GRXCR1: variants seen among roughly 807,000 people sequenced by gnomAD.
GRXCR1 encodes the protein glutaredoxin and cysteine rich domain containing 1, also known as glutaredoxin domain-containing cysteine-rich protein 1.
GRXCR1 carries 27 observed loss-of-function variants against 27.3 expected under a neutral mutation model. The observed-to-expected ratio is 0.99, with a 90% CI of 0.73 to 1.37. The LOEUF is 1.37. GRXCR1 is among the 40% of genes most tolerant of loss of function. The pLI is 0.00. For synonymous variants in GRXCR1, 122 were observed against 131.1 expected (o/e 0.93, Z 0.47); for missense variants, 379 against 354.4 (o/e 1.07, Z -0.56).
At chr4:42,928,307 CA>C (rs1747218447) in intron 1 of GRXCR1, among the ~76,000 whole-genome samples, 1 of 151,884 alleles carries the variant, frequency 6.6e-6, no homozygotes. Flanking sequence ...GAATTCACTA[CA>C]ATAAGTATAA....
At chr4:42,923,126 C>T (rs186536284) in intron 1 of GRXCR1, among the ~76,000 whole-genome samples, 10 of 152,252 alleles carry the variant, frequency 6.6e-5, no homozygotes, top group African/African-American at 2.4e-4. Flanking sequence ...TTGGGCTCAG[C>T]AGAGGAGTCT....
intron 1 of GRXCR1, among the ~76,000 whole-genome samples, chr4:42,945,624 G>A (rs1747725337): frequency 6.6e-6 from 1 of 152,148 alleles, no homozygotes; most frequent in Non-Finnish European, 1.5e-5. Context: ...GCTCTACAGA[G>A]GGTGGTTATT....
At chr4:42,893,793 C>G in intron 1 of GRXCR1, 143 bp downstream of exon 1, 1 of 844,780 alleles carries the variant, frequency 1.2e-6, no homozygotes, top group Non-Finnish European at 2.0e-6. Flanking sequence ...AGATACTGTC[C>G]TAACAGCTAT....
At chr4:42,919,164 A>G (rs1369675394) in intron 1 of GRXCR1, among the ~76,000 whole-genome samples, 1 of 152,114 alleles carries the variant, frequency 6.6e-6, no homozygotes, top group Admixed American at 6.6e-5. Flanking sequence ...ACATGGCAAA[A>G]CGGGGCCTAT....
At chr4:42,946,321 G>A (rs1747743714) in intron 1 of GRXCR1, among the ~76,000 whole-genome samples, 1 of 151,974 alleles carries the variant, frequency 6.6e-6, no homozygotes. Flanking sequence ...GATTTTGTTG[G>A]CTTGCTTATT....
chr4:42,955,883 A>C (rs1747991804), intron 1 of GRXCR1, among the ~76,000 whole-genome samples: 1 of 151,938 alleles, frequency 6.6e-6, no homozygotes. Flanking sequence ...AACCCACTGG[A>C]TTTGCATCTG....
At position 42,981,563 on chromosome 4, in the gene GRXCR1, ATTAGTGTTCT is replaced by A. The variant is rs1395047106; in HGVS notation, c.627+18432_627+18441del. Among the ~76,000 whole-genome samples the A allele has an allele frequency of 2.0e-5, 3 of 152,116 alleles. No individual in the cohort carries two copies. In the East Asian group the frequency reaches 5.8e-4, roughly 29 times the overall value. ...ACTTTCAGATGTCTTTGTGTTACTCATTAGTGTTCTTTTCTTTTAGCTTGAAGAACTTTGT... is the reference window on the plus strand; with the variant it reads ...ACTTTCAGATGTCTTTGTGTTACTCATTTCTTTTAGCTTGAAGAACTTTGT... On this transcript the variant is annotated intron_variant, in intron 2 of 3. Transcript: ENST00000399770.
chr4:43,025,974 TCAAAAAA>T (rs1713246774), intron 3 of GRXCR1, among the ~76,000 whole-genome samples: 1 of 108,228 alleles, frequency 9.2e-6, no homozygotes, highest in Admixed American at 1.0e-4. Flanking sequence ...AAACTCCGTC[TCAAAAAA>T]AAAAAAAAAA....
chr4:42,992,454 T>C (rs1309387303), intron 2 of GRXCR1, among the ~76,000 whole-genome samples: 1 of 152,150 alleles, frequency 6.6e-6, no homozygotes, highest in Non-Finnish European at 1.5e-5. Flanking sequence ...TTATGTATAA[T>C]GTAGGGAGCT....
intron 1 of GRXCR1, among the ~76,000 whole-genome samples, chr4:42,906,269 G>GTA (rs887131708): frequency 5.9e-5 from 9 of 152,080 alleles, no homozygotes; most frequent in African/African-American, 2.2e-4. Flanking sequence ...TCTATTCTCT[G>GTA]TATAGTAAGA....
intron 1 of GRXCR1, among the ~76,000 whole-genome samples, chr4:42,943,742 C>CA (rs577924096): frequency 1.2e-3 from 186 of 152,100 alleles, no homozygotes; most frequent in African/African-American, 4.3e-3. Context: ...TGCTATGTGC[C>CA]AGATATTGCC....
At chr4:42,940,804 C>T (rs558548518) in intron 1 of GRXCR1, among the ~76,000 whole-genome samples, 6 of 152,028 alleles carry the variant, frequency 3.9e-5, no homozygotes, top group Admixed American at 2.6e-4. Context: ...AATTTGTCCT[C>T]TAAGCATATG....
intron 2 of GRXCR1, among the ~76,000 whole-genome samples, chr4:42,998,814 A>G (rs1314237672): frequency 6.6e-6 from 1 of 152,182 alleles, no homozygotes; most frequent in Non-Finnish European, 1.5e-5. Context: ...CTTCTTGACT[A>G]TGGTCAATAG....
rs1299293522 is a variant in GRXCR1 at position 42,892,746 on chromosome 4, C to T, written c.-521C>T. ...GTAATAGCTCTATGCAGGCATGCAG[C>T]ATGCAGCGTGTTCACTGCCCTTTAA... is the stretch of plus-strand genomic sequence containing the variant. On this transcript the variant is annotated 5_prime_UTR_variant, in exon 1 of 4. Transcript: ENST00000399770. The T allele has an allele frequency of 6.1e-6, 1 of 163,556 alleles. No homozygotes were observed. The highest frequency in any genetic ancestry group is 2.4e-5 in the African/African-American group (1 of 41,536). The allele number at this position is 163,556 out of a possible 1,614,324, so 10.1% of individuals were successfully genotyped here.
At chr4:42,999,661 A>C (rs1362005222) in intron 2 of GRXCR1, among the ~76,000 whole-genome samples, 4 of 152,226 alleles carry the variant, frequency 2.6e-5, no homozygotes, top group Non-Finnish European at 5.9e-5. Context: ...TCCATAATTC[A>C]GATTTTTTCC....
intron 1 of GRXCR1, among the ~76,000 whole-genome samples, chr4:42,905,398 A>G (rs1746563049): frequency 6.6e-6 from 1 of 152,158 alleles, no homozygotes; most frequent in Admixed American, 6.5e-5. Flanking sequence ...ATACCTTTCC[A>G]TGCCAATGCA....
At chr4:42,923,180 T>C (rs1229633004) in intron 1 of GRXCR1, among the ~76,000 whole-genome samples, 3 of 152,118 alleles carry the variant, frequency 2.0e-5, no homozygotes, top group Non-Finnish European at 4.4e-5. Context: ...GGATAAGAGA[T>C]AGCCCTGCCT....
intron 3 of GRXCR1, among the ~76,000 whole-genome samples, chr4:43,029,602 C>G (rs942072618): frequency 6.6e-6 from 1 of 152,156 alleles, no homozygotes; most frequent in Non-Finnish European, 1.5e-5. Context: ...TCTCAACACA[C>G]TATCGGGCTA....
At chr4:42,900,318 A>C (rs1301260146) in intron 1 of GRXCR1, among the ~76,000 whole-genome samples, 4 of 152,306 alleles carry the variant, frequency 2.6e-5, no homozygotes, top group Non-Finnish European at 5.9e-5. Flanking sequence ...GATTTGAGAC[A>C]TCTTTGCTCA....
Sources: allele counts gnomAD v4.1 joint callset (sites outside exome capture counted in the v4.1 genomes callset), GRCh38; gene constraint gnomAD v4.1.1; transcripts MANE v1.5; gene names NCBI Gene and HGNC (gene_info 2026-07-23, HGNC 2026-07-21).